CFHR3: variants seen among roughly 807,000 people sequenced by gnomAD.
CFHR3 encodes complement factor H-related protein 3.
In CFHR3, 22 loss-of-function variants were observed where a neutral mutation model predicts 36.0. The observed-to-expected ratio is 0.61, with a 90% CI of 0.44 to 0.87. The LOEUF is 0.87. CFHR3 is among the 40% of genes least tolerant of loss of function. CFHR3 has a pLI of 0.00. For synonymous variants in CFHR3, 97 were observed against 137.4 expected (o/e 0.71, Z 2.06); for missense variants, 276 against 401.3 (o/e 0.69, Z 2.67).
chr1:196,781,759 T>A (rs1389427283), intron 3 of CFHR3, among the ~76,000 whole-genome samples: 1 of 134,768 alleles, frequency 7.4e-6, no homozygotes, highest in Admixed American at 7.2e-5. Context: ...GGTTGCCTGT[T>A]CACTCTGATG....
At chr1:196,778,447 T>A (rs1399559340) in intron 1 of CFHR3, among the ~76,000 whole-genome samples, 1 of 137,128 alleles carries the variant, frequency 7.3e-6, no homozygotes, top group Non-Finnish European at 1.5e-5. Context: ...TGTTCCAGAA[T>A]TATAGAAGAA....
chr1:196,779,125 A>T, intron 1 of CFHR3, 37 bp from the exon 2 acceptor site: 1 of 1,393,712 alleles, frequency 7.2e-7, no homozygotes, highest in Non-Finnish European at 9.8e-7. Flanking sequence ...TTACAGTAAA[A>T]ATTATTTATA....
At chr1:196,790,730 TAAA>T (rs1299517019) in intron 5 of CFHR3, among the ~76,000 whole-genome samples, 2 of 89,788 alleles carry the variant, frequency 2.2e-5, no homozygotes. Flanking sequence ...TCTCCAAAAA[TAAA>T]AAAATAATAA....
chr1:196,789,091 A>G, intron 4 of CFHR3: 1 of 1,088,818 alleles, frequency 9.2e-7, no homozygotes, highest in Non-Finnish European at 1.1e-6. Context: ...GCAAAAGTTG[A>G]TTTTTTTTCT....
intron 3 of CFHR3, among the ~76,000 whole-genome samples, chr1:196,787,743 A>G (rs116614366): frequency 0.018 from 2,435 of 136,788 alleles, 598 homozygotes; most frequent in African/African-American, 0.067. Context: ...TTAAGATGAC[A>G]ACCATTTTAA....
Position 196,788,998 on chromosome 1 carries a change from A to G in CFHR3, c.613+600A>G. 8.5e-6 allele frequency: 11 copies of G among 1,300,124 alleles called. 4 individuals are homozygous for G. The South Asian group carries it at 1.5e-4, about 18-fold the overall frequency. 80.5% of individuals were successfully genotyped at this position (1,300,124 alleles called of 1,614,324 possible). ...CCTCATACTTGCCAATGGATTCTTT[A>G]CATGTAAAGTTCTCTGAACGTGCTC... On this transcript the variant is annotated intron_variant, in intron 4 of 5. Transcript: ENST00000367425.
Position 196,782,029 on chromosome 1 carries a change from T to A in CFHR3, c.430+2056T>A, listed in dbSNP as rs549335787. 1.0e-3 allele frequency among the ~76,000 whole-genome samples: 142 copies of A among 137,362 alleles called. 37 individuals carry two copies. The highest frequency in any genetic ancestry group is 4.0e-3 in the African/African-American group (133 of 33,042). 90.1% of individuals were successfully genotyped at this position (137,362 alleles called of 152,430 possible). ...TTCAGCTTTCTACATATGGCTAGCC[T>A]GTTTTCCCAGCAACATTTATTAAAT... On this transcript the variant is annotated intron_variant, in intron 3 of 5. Transcript: ENST00000367425.
rs1380543507 is a variant in CFHR3, at chr1:196,777,979, T to A, written c.59-1183T>A. ...TCTAGCCTTGGTGACAGAACAAGAC[T>A]GTTAAAAAAAAAAAAAAAAAAAAGA... is the stretch of plus-strand genomic sequence containing the variant. On this transcript the variant is annotated intron_variant, in intron 1 of 5. Coordinates refer to ENST00000367425, the MANE Select transcript of CFHR3 (RefSeq NM_021023.6). Among the ~76,000 whole-genome samples the A allele has an allele frequency of 7.7e-5, 5 of 65,270 alleles. No homozygotes were observed. In the Admixed American group the frequency reaches 9.2e-4, roughly 12 times the overall value. The allele number at this position is 65,270 out of a possible 152,430, so 42.8% of individuals were successfully genotyped here.
At position 196,781,743 on chromosome 1, in the gene CFHR3, T is replaced by G. The variant is rs1309293401; in HGVS notation, c.430+1770T>G. ...GTAGGTTGCAAAAATTTTCTCCCAT[T>G]TTGTAGGTTGCCTGTTCACTCTGAT... is the stretch of plus-strand genomic sequence containing the variant. On this transcript the variant is annotated intron_variant, in intron 3 of 5. Coordinates refer to ENST00000367425, the MANE Select transcript of CFHR3 (RefSeq NM_021023.6). Among the ~76,000 whole-genome samples the G allele has an allele frequency of 2.2e-5, 3 of 134,162 alleles. 1 individual carries two copies. Among genetic ancestry groups the G allele is most frequent in the African/African-American group, 6.4e-5 (2 of 31,486 alleles). 88.0% of individuals were successfully genotyped at this position (134,162 alleles called of 152,430 possible).
intron 3 of CFHR3, among the ~76,000 whole-genome samples, chr1:196,787,431 A>T (rs1654253674): frequency 7.3e-6 from 1 of 137,172 alleles, no homozygotes; most frequent in African/African-American, 3.0e-5. Context: ...CATCATCTTT[A>T]ACATGATTTC....
chr1:196,780,045 G>C lies in CFHR3; in HGVS notation c.430+72G>C. 4 of 1,504,550 alleles carry C rather than the reference G, an allele frequency of 2.7e-6. 1 individual carries two copies. The highest frequency in any genetic ancestry group is 3.6e-6 in the Non-Finnish European group (4 of 1,110,384). 93.2% of individuals were successfully genotyped at this position (1,504,550 alleles called of 1,614,324 possible). On this transcript the variant is annotated intron_variant, in intron 3 of 5. Transcript: ENST00000367425. Reference sequence around the variant, plus strand: ...TAACACGGACGACAGTCTCAGACTTGTCTATATTAACTGTGGCAAAATGTT... The same window carrying C: ...TAACACGGACGACAGTCTCAGACTTCTCTATATTAACTGTGGCAAAATGTT...
Position 196,788,314 on chromosome 1 carries a change from C to T in CFHR3, c.529C>T (p.Pro177Ser). Residue 177 changes from proline (P) to serine (S), a missense_variant, in exon 4 of 6, where the codon CCA becomes TCA. By Grantham distance (74) the Pro-to-Ser change is moderately conservative. Around this residue, in one of 3 missense-constraint regions of CFHR3, gnomAD observed 178 missense variants for 247.2 expected, o/e 0.72. Coordinates refer to ENST00000367425, the MANE Select transcript of CFHR3 (RefSeq NM_021023.6). The part of the protein sequence containing the change: ...LNKEIQYKCK[P>S]GYATADGNSS... The stretch of plus-strand genomic sequence containing the variant: ...TAAAGAAATACAATATAAATGTAAA[C>T]CAGGATATGCAACAGCAGATGGAAA... 6.6e-7 allele frequency: 1 copy of T among 1,523,672 alleles called. No individual in the cohort carries two copies. The highest frequency in any genetic ancestry group is 1.7e-5 in the Admixed American group (1 of 57,238). 94.4% of individuals were successfully genotyped at this position (1,523,672 alleles called of 1,614,324 possible). A position where few individuals can be genotyped will look rare whatever the true frequency, so the allele number is the denominator to read the frequency against.
intron 3 of CFHR3, 129 bp downstream of exon 3, chr1:196,780,102 T>A: frequency 8.1e-7 from 1 of 1,230,130 alleles, no homozygotes; most frequent in Non-Finnish European, 1.1e-6. Flanking sequence ...CGGACCTATT[T>A]AGTTTTACTT....
intron 3 of CFHR3, among the ~76,000 whole-genome samples, chr1:196,782,587 T>G (rs1286720292): frequency 7.3e-6 from 1 of 137,008 alleles, no homozygotes; most frequent in Admixed American, 7.0e-5. Context: ...AGTTCACTCA[T>G]GATTTGGCTC....
At position 196,779,827 on chromosome 1, in the gene CFHR3, G is replaced by C. The variant is rs112414731; in HGVS notation, c.284G>C (p.Gly95Ala). ...TGTTATTTTCCTTATTTGGAAAATGGATATAATCAAAATTATGGAAGAAAG... is the reference window on the plus strand; with the variant it reads ...TGTTATTTTCCTTATTTGGAAAATGCATATAATCAAAATTATGGAAGAAAG... Reference protein sequence around the residue: ...RKCYFPYLENGYNQNYGRKFV... With the variant: ...RKCYFPYLENAYNQNYGRKFV... The change falls in exon 3 of 6, where the codon GGA (glycine) becomes GCA (alanine). Residue 95 changes from glycine to alanine, a missense_variant. Gly to Ala is a moderately conservative substitution (Grantham distance 60). Transcript: ENST00000367425. 9.8e-6 allele frequency: 15 copies of C among 1,529,552 alleles called. 4 individuals are homozygous for C. The highest frequency in any genetic ancestry group is 3.3e-5 in the African/African-American group (2 of 60,484). 94.7% of individuals were successfully genotyped at this position (1,529,552 alleles called of 1,614,324 possible). A position where few individuals can be genotyped will look rare whatever the true frequency, so the allele number is the denominator to read the frequency against.
At chr1:196,787,437 ATTTC>A (rs972790658) in intron 3 of CFHR3, among the ~76,000 whole-genome samples, 2 of 137,036 alleles carry the variant, frequency 1.5e-5, no homozygotes, top group Non-Finnish European at 3.1e-5. Flanking sequence ...CTTTAACATG[ATTTC>A]TTTTTCTTTC....
In CFHR3 at chr1:196,788,082, T is replaced by C. The variant is rs1447474900; in HGVS notation, c.431-134T>C. 2.3e-4 allele frequency: 147 copies of C among 637,136 alleles called. 25 individuals carry two copies. Among genetic ancestry groups the C allele is most frequent in the African/African-American group, 1.2e-3 (48 of 39,944 alleles). 39.5% of individuals were successfully genotyped at this position (637,136 alleles called of 1,614,324 possible). A position where few individuals can be genotyped will look rare whatever the true frequency, so the allele number is the denominator to read the frequency against. On this transcript the variant is annotated intron_variant, in intron 3 of 5. Transcript: ENST00000367425. The stretch of plus-strand genomic sequence containing the variant: ...TTAAGAACACGGATGTCTAGGAAAC[T>C]TCCAGTTTTGCTGTTTTCAATTCAT...
intron 3 of CFHR3, among the ~76,000 whole-genome samples, chr1:196,785,322 C>T (rs1388522859): frequency 7.5e-6 from 1 of 133,778 alleles, no homozygotes; most frequent in East Asian, 2.0e-4. Context: ...GTGGCGTTCT[C>T]TGTATTTCCT....
rs190593758 is a variant in CFHR3, at chr1:196,791,842, A to T, written c.797-1475A>T. Among the ~76,000 whole-genome samples, 190 of 136,222 alleles carry T rather than the reference A, an allele frequency of 1.4e-3. 48 individuals are homozygous for T. Among genetic ancestry groups the T allele is most frequent in the African/African-American group, 5.7e-3 (185 of 32,430 alleles). 89.4% of individuals were successfully genotyped at this position (136,222 alleles called of 152,430 possible). A position where few individuals can be genotyped will look rare whatever the true frequency, so the allele number is the denominator to read the frequency against. ...AATTTGATTGACTGAGGAGATGGACACTCCTAAGATGGGTTTCACAGCAAA... is the reference window on the plus strand; with the variant it reads ...AATTTGATTGACTGAGGAGATGGACTCTCCTAAGATGGGTTTCACAGCAAA... On this transcript the variant is annotated intron_variant, in intron 5 of 5. Coordinates refer to ENST00000367425, the MANE Select transcript of CFHR3 (RefSeq NM_021023.6).
Sources: gnomAD v4.1 joint callset for allele counts (sites outside exome capture counted in the v4.1 genomes callset) on GRCh38, gnomAD v4.1.1 for gene constraint, gnomAD v4.1.1 regional missense constraint, MANE v1.5 for transcripts, NCBI Gene and HGNC (gene_info 2026-07-23, HGNC 2026-07-21) for gene names.